The following CD1B variants were observed in gnomAD, a reference collection of about 807,000 sequenced individuals.
CD1B encodes the protein T-cell surface glycoprotein CD1b.
In CD1B, 43 loss-of-function variants were observed where a neutral mutation model predicts 39.8. The observed-to-expected ratio is 1.08, with a 90% confidence interval of 0.85 to 1.39. The LOEUF (loss-of-function observed/expected upper bound fraction) is 1.39, where lower values mean the gene tolerates loss of function less well. Ranked by LOEUF, CD1B falls within the 40% of genes most tolerant of loss-of-function variation. The pLI, the probability that CD1B is intolerant of heterozygous loss-of-function variation, is 0.00. For missense variants in CD1B, 495 were observed against 403.8 expected, an observed-to-expected ratio of 1.23 and a Z score of -1.94; for synonymous variants, 192 against 152.5, an observed-to-expected ratio of 1.26 and a Z score of -1.91.
chr1:158,327,154 A>T (rs747952607), downstream of CD1B, among the ~76,000 whole-genome samples: 32 of 152,172 alleles, frequency 2.1e-4, no homozygotes, highest in Non-Finnish European at 3.8e-4. Flanking sequence ...CAGAGTGCAG[A>T]TTGGTCTATT....
chr1:158,299,199 G>A, the CD1B span, among the ~76,000 whole-genome samples: 2 of 152,148 alleles, frequency 1.3e-5, no homozygotes, highest in African/African-American at 4.8e-5. Flanking sequence ...TCAATATCTA[G>A]TGTATTGGGA....
the CD1B span, among the ~76,000 whole-genome samples, chr1:158,287,350 G>A: frequency 6.6e-6 from 1 of 152,136 alleles, no homozygotes; most frequent in Non-Finnish European, 1.5e-5. Context: ...GAAGGAAAGT[G>A]GAAGGGCACT....
the CD1B span, among the ~76,000 whole-genome samples, chr1:158,293,923 C>T: frequency 1.5e-4 from 23 of 152,284 alleles, no homozygotes; most frequent in African/African-American, 5.5e-4. Flanking sequence ...GTCATGTTGA[C>T]AATTTTTCTC....
At chr1:158,313,902 G>A in the CD1B span, among the ~76,000 whole-genome samples, 1 of 152,046 alleles carries the variant, frequency 6.6e-6, no homozygotes. Context: ...GTGGTTGTAT[G>A]AGTCCAGGCA....
chr1:158,330,478 A>G (rs935057652), intron 2 of CD1B: 1 of 559,670 alleles, frequency 1.8e-6, no homozygotes. Context: ...TAGGGGAGAA[A>G]GCCACACGTT....
chr1:158,287,813 A>T, the CD1B span, among the ~76,000 whole-genome samples: 1 of 152,240 alleles, frequency 6.6e-6, no homozygotes, highest in Non-Finnish European at 1.5e-5. Flanking sequence ...TTTATTTCTC[A>T]TGCAGTTAAA....
downstream of CD1B, among the ~76,000 whole-genome samples, chr1:158,323,634 A>C (rs1652261642): frequency 6.6e-6 from 1 of 152,158 alleles, no homozygotes; most frequent in South Asian, 2.1e-4. Flanking sequence ...GTTTTTCTTC[A>C]CTGGGCCTCT....
the CD1B span, among the ~76,000 whole-genome samples, chr1:158,301,407 T>C: frequency 6.6e-6 from 1 of 152,202 alleles, no homozygotes; most frequent in East Asian, 1.9e-4. Flanking sequence ...ATTTGGCATG[T>C]TTTTGGAGTG....
downstream of CD1B, among the ~76,000 whole-genome samples, chr1:158,326,432 C>A (rs1254721609): frequency 1.3e-5 from 2 of 151,952 alleles, no homozygotes; most frequent in Non-Finnish European, 2.9e-5. Context: ...GAGAAGAATC[C>A]TACAGATTAA....
chr1:158,309,678 G>A, the CD1B span, among the ~76,000 whole-genome samples: 1 of 152,090 alleles, frequency 6.6e-6, no homozygotes, highest in African/African-American at 2.4e-5. Context: ...CATGTCCTTT[G>A]TAGGGACATG....
At chr1:158,327,422 T>A (rs962376962), downstream of CD1B, among the ~76,000 whole-genome samples, 2 of 152,102 alleles carry the variant, frequency 1.3e-5, no homozygotes, top group African/African-American at 4.8e-5. Context: ...AAAGAAAACA[T>A]AATATTTTTT....
the CD1B span, among the ~76,000 whole-genome samples, chr1:158,311,773 TC>T: frequency 6.6e-6 from 1 of 152,206 alleles, no homozygotes; most frequent in Admixed American, 6.5e-5. Context: ...CCAATGTGTG[TC>T]TTGGCACTTT....
chr1:158,329,943 G>A lies in CD1B; in HGVS notation c.516C>T (p.Ile172=). 1 of 1,614,010 alleles carries A rather than the reference G, an allele frequency of 6.2e-7. No homozygotes were observed. The highest frequency in any genetic ancestry group is 8.5e-7 in the Non-Finnish European group (1 of 1,179,972). The change falls in exon 3 of 6, where the codon ATC becomes ATT. Residue 172 remains isoleucine (I), a synonymous_variant. Transcript: ENST00000368168. ...AGAGGAGAATTCTCACAGTTTCCAT[G>A]ATACCTTGATATTGTATGATTAGTG... is the stretch of plus-strand genomic sequence containing the variant. The part of the protein sequence containing the change: ...FCALIIQYQG[I]METVRILLYE...
At chr1:158,327,381 G>A (rs1652393615), downstream of CD1B, among the ~76,000 whole-genome samples, 2 of 152,044 alleles carry the variant, frequency 1.3e-5, no homozygotes, top group Non-Finnish European at 2.9e-5. Flanking sequence ...AGCCAAGGGT[G>A]GTTTTCTCCA....
chr1:158,292,797 C>T, the CD1B span: 2 of 1,614,160 alleles, frequency 1.2e-6, no homozygotes, highest in East Asian at 4.5e-5. Flanking sequence ...CTGGAGGTGG[C>T]ATCTGAGGAG....
At chr1:158,312,416 C>T in the CD1B span, among the ~76,000 whole-genome samples, 1 of 152,172 alleles carries the variant, frequency 6.6e-6, no homozygotes, top group Non-Finnish European at 1.5e-5. Context: ...AACTGTGAGT[C>T]CAAATAAACC....
At chr1:158,296,665 A>C in the CD1B span, among the ~76,000 whole-genome samples, 1 of 152,214 alleles carries the variant, frequency 6.6e-6, no homozygotes, top group Non-Finnish European at 1.5e-5. Flanking sequence ...GAGATTCAGG[A>C]GAAAGTTGAA....
chr1:158,292,494 A>G, the CD1B span: 2 of 1,491,258 alleles, frequency 1.3e-6, no homozygotes, highest in South Asian at 1.3e-5. Context: ...AGTTTCTTAG[A>G]GGCAGGAAAA....
the CD1B span, among the ~76,000 whole-genome samples, chr1:158,298,706 A>T: frequency 6.6e-6 from 1 of 152,238 alleles, no homozygotes; most frequent in South Asian, 2.1e-4. Flanking sequence ...AGTGGTTTGT[A>T]GTTCTCCTTG....
Sources: allele counts gnomAD v4.1 joint callset (sites outside exome capture counted in the v4.1 genomes callset), GRCh38; gene constraint gnomAD v4.1.1; transcripts MANE v1.5; gene names NCBI Gene and HGNC (gene_info 2026-07-23, HGNC 2026-07-21).